SCN11A: variants seen among roughly 807,000 people sequenced by gnomAD.
The protein encoded by SCN11A is sodium channel protein type 11 subunit alpha.
In SCN11A, 122 loss-of-function variants were observed where a neutral mutation model predicts 162.2. The ratio of observed to expected loss-of-function variants is 0.75; its 90% confidence interval spans 0.65 to 0.87. SCN11A has a LOEUF of 0.87. SCN11A is among the 40% of genes least tolerant of loss of function. The pLI, the probability that SCN11A is intolerant of heterozygous loss-of-function variation, is 0.00. For missense variants in SCN11A, 2,015 were observed against 2,181.6 expected, an observed-to-expected ratio of 0.92 and a Z score of 1.52; for synonymous variants, 758 against 751.5, an observed-to-expected ratio of 1.01 and a Z score of -0.14.
rs1305627922 is a variant in SCN11A, at chr3:38,929,233, G to A, written c.489-2302C>T. ...ACCTGTCAGTTCAGAGTAAAATGTG[G>A]TATATACATGTGATGGAATATTAAT... On this transcript the variant is annotated intron_variant, in intron 7 of 29. Coordinates refer to ENST00000302328, the MANE Select transcript of SCN11A (RefSeq NM_001349253.2). 2.0e-5 allele frequency among the ~76,000 whole-genome samples: 3 copies of A among 151,438 alleles called. No homozygotes were observed. The East Asian group carries it at 5.8e-4, about 29-fold the overall frequency.
chr3:38,991,481 C>T (rs75914435), intron 2 of SCN11A, among the ~76,000 whole-genome samples: 8 of 152,076 alleles, frequency 5.3e-5, no homozygotes, highest in South Asian at 4.1e-4. Flanking sequence ...GTGTTTGCGG[C>T]GATCATAGAG....
intron 7 of SCN11A, among the ~76,000 whole-genome samples, chr3:38,935,287 A>G (rs2066312162): frequency 6.6e-6 from 1 of 152,180 alleles, no homozygotes; most frequent in Non-Finnish European, 1.5e-5. Context: ...AAGATCCAAA[A>G]TTGACACCCT....
At chr3:38,971,221 C>T (rs1409115285) in intron 2 of SCN11A, among the ~76,000 whole-genome samples, 2 of 151,912 alleles carry the variant, frequency 1.3e-5, no homozygotes, top group African/African-American at 4.8e-5. Flanking sequence ...GTGGCATAAT[C>T]ATAGCTCCCC....
intron 16 of SCN11A, among the ~76,000 whole-genome samples, chr3:38,903,497 T>C (rs1490828880): frequency 6.6e-6 from 1 of 152,198 alleles, no homozygotes; most frequent in Non-Finnish European, 1.5e-5. Context: ...TCACATTATT[T>C]TGTGACAAAT....
chr3:38,909,209 G>A lies in SCN11A; in HGVS notation c.1102-15C>T, dbSNP rs1207305622. The A allele has an allele frequency of 6.2e-7, 1 of 1,612,576 alleles. No individual in the cohort carries two copies. The highest frequency in any genetic ancestry group is 1.1e-5 in the South Asian group (1 of 90,964). On this transcript the variant is annotated splice_polypyrimidine_tract_variant and intron_variant, in intron 12 of 29. Coordinates refer to ENST00000302328, the MANE Select transcript of SCN11A (RefSeq NM_001349253.2). ...GTACGCAGGGTCTGCAAAGGACAGA[G>A]CATGTTCTTGAATATCAAACCTTCT...
intron 1 of SCN11A, among the ~76,000 whole-genome samples, chr3:39,047,640 T>C (rs1189010370): frequency 6.6e-6 from 1 of 152,060 alleles, no homozygotes; most frequent in Non-Finnish European, 1.5e-5. Context: ...CAACAAGGAA[T>C]TAATATCCAG....
chr3:38,898,840 C>A (rs1354058432), intron 17 of SCN11A, among the ~76,000 whole-genome samples: 1 of 152,026 alleles, frequency 6.6e-6, no homozygotes, highest in African/African-American at 2.4e-5. Flanking sequence ...CTAGGAGCAT[C>A]CCAGGAAAAA....
chr3:39,038,134 T>C (rs2031954679), intron 1 of SCN11A, among the ~76,000 whole-genome samples: 1 of 152,238 alleles, frequency 6.6e-6, no homozygotes, highest in African/African-American at 2.4e-5. Context: ...AGTTATCTTT[T>C]GTTGCAATGC....
Position 39,032,520 on chromosome 3 carries a change from C to T in SCN11A, c.-403-17G>A, listed in dbSNP as rs1219830626. Among the ~76,000 whole-genome samples, 2 of 148,888 alleles carry T rather than the reference C, an allele frequency of 1.3e-5. No homozygotes were observed. Among genetic ancestry groups the T allele is most frequent in the Non-Finnish European group, 3.0e-5 (2 of 66,588 alleles). On this transcript the variant is annotated splice_polypyrimidine_tract_variant and intron_variant, in intron 1 of 29. Coordinates refer to ENST00000302328, the MANE Select transcript of SCN11A (RefSeq NM_001349253.2). Reference sequence around the variant, plus strand: ...TGGGACAATCTGAAAACAACAACAACAACAAAAAAAACAAGCTTTATCATT... The same window carrying T: ...TGGGACAATCTGAAAACAACAACAATAACAAAAAAAACAAGCTTTATCATT...
In SCN11A at chr3:38,917,889, C is replaced by A. The variant is rs182996446; in HGVS notation, c.959+2046G>T. 9.9e-5 allele frequency among the ~76,000 whole-genome samples: 15 copies of A among 152,218 alleles called. No individual in the cohort carries two copies. The East Asian group carries it at 2.7e-3, about 27-fold the overall frequency. ...TTCATGTAACCAAGTACCACCTGTT[C>A]CCCCAAAACCTACTGAAATAAAAAA... On this transcript the variant is annotated intron_variant, in intron 11 of 29. Transcript: ENST00000302328.
At chr3:38,857,555 A>G (rs1206529287) in intron 28 of SCN11A, among the ~76,000 whole-genome samples, 1 of 152,046 alleles carries the variant, frequency 6.6e-6, no homozygotes, top group Non-Finnish European at 1.5e-5. Flanking sequence ...GAAGAAATCT[A>G]AAGTTCATAA....
chr3:38,857,832 G>C (rs1482758250), intron 28 of SCN11A, among the ~76,000 whole-genome samples: 1 of 152,052 alleles, frequency 6.6e-6, no homozygotes, highest in Non-Finnish European at 1.5e-5. Flanking sequence ...AGGAATTGGG[G>C]TCCTATCTTT....
chr3:38,950,220 G>A lies in SCN11A; in HGVS notation c.143C>T (p.Pro48Leu), dbSNP rs138704917. The change falls in exon 5 of 30, where the codon CCC becomes CTC. Residue 48 changes from proline to leucine, a missense_variant. Physicochemically the swap from Pro to Leu is moderately conservative, Grantham distance 98 (BLOSUM62 -3). Coordinates refer to ENST00000302328, the MANE Select transcript of SCN11A (RefSeq NM_001349253.2). ...TAGGTCAAGCTGAGGCCGAGGCTGG[G>A]GTACTTCTCCTGTCTGGTCTTTAGA... ...KKSKDQTGEV[P>L]QPRPQLDLKA... 86 of 1,613,954 alleles carry A rather than the reference G, an allele frequency of 5.3e-5. No homozygotes were observed. The highest frequency in any genetic ancestry group is 6.9e-5 in the Non-Finnish European group (82 of 1,179,986).
At chr3:39,027,704 G>A (rs557439693) in intron 2 of SCN11A, among the ~76,000 whole-genome samples, 1 of 152,282 alleles carries the variant, frequency 6.6e-6, no homozygotes, top group Admixed American at 6.5e-5. Context: ...TACTACCAAG[G>A]TTGAAGCAAG....
chr3:38,879,325 C>T (rs2065270706), intron 23 of SCN11A, among the ~76,000 whole-genome samples: 1 of 152,194 alleles, frequency 6.6e-6, no homozygotes, highest in Non-Finnish European at 1.5e-5. Flanking sequence ...ATGTGATCCA[C>T]TAATACTATT....
At chr3:39,025,963 T>C (rs2031577253) in intron 2 of SCN11A, 1 of 149,630 alleles carries the variant, frequency 6.7e-6, no homozygotes, top group Non-Finnish European at 1.5e-5. Flanking sequence ...AGCAGTATTT[T>C]TGTTGACAAA....
At chr3:38,855,605 C>T (rs1475487233) in intron 28 of SCN11A, among the ~76,000 whole-genome samples, 1 of 152,154 alleles carries the variant, frequency 6.6e-6, no homozygotes, top group Non-Finnish European at 1.5e-5. Flanking sequence ...TGGAGGTCAA[C>T]CAACTCAGGA....
At chr3:38,981,537 T>TTGTGTGTGTGTGTGTGTGTGTGTG (rs10578149) in intron 2 of SCN11A, among the ~76,000 whole-genome samples, 1 of 145,868 alleles carries the variant, frequency 6.9e-6, no homozygotes, top group Non-Finnish European at 1.5e-5. Flanking sequence ...GTGTGTGTGT[T>TTGTGTGTGTGTGTGTGTGTGTGTG]TGTGTGTGTG....
At chr3:38,970,331 C>T (rs2066809399) in intron 2 of SCN11A, among the ~76,000 whole-genome samples, 1 of 152,152 alleles carries the variant, frequency 6.6e-6, no homozygotes, top group Non-Finnish European at 1.5e-5. Flanking sequence ...CCCTTGGGAT[C>T]TTACTCTCCA....
Sources: allele counts gnomAD v4.1 joint callset (sites outside exome capture counted in the v4.1 genomes callset), GRCh38; gene constraint gnomAD v4.1.1; transcripts MANE v1.5; gene names NCBI Gene and HGNC (gene_info 2026-07-23, HGNC 2026-07-21).